The following ZNF721 variants were observed in gnomAD, a reference collection of about 807,000 sequenced individuals.
ZNF721 encodes zinc finger protein 721.
ZNF721 carries 2 observed loss-of-function variants against 2.4 expected under a neutral mutation model. That is an observed-to-expected ratio of 0.82 (90% CI 0.34 to 2.58). The LOEUF is 2.58. Among genes scored for constraint, ZNF721 ranks in the 30% most tolerant of loss-of-function variants. The pLI is 0.11. For missense variants in ZNF721, 1,187 were observed against 1,085.5 expected (o/e 1.09, Z -1.31); for synonymous variants, 398 against 381.8 (o/e 1.04, Z -0.50).
intron 2 of ZNF721, among the ~76,000 whole-genome samples, chr4:459,337 T>A (rs1714944000): frequency 6.6e-6 from 1 of 152,072 alleles, no homozygotes; most frequent in Non-Finnish European, 1.5e-5. Context: ...AATGCCCCAA[T>A]TAAAAGACAC....
chr4:479,019 G>A (rs1054229253), intron 1 of ZNF721, among the ~76,000 whole-genome samples: 1 of 152,000 alleles, frequency 6.6e-6, no homozygotes, highest in African/African-American at 2.4e-5. Context: ...TGCCCACCTC[G>A]GCCTCTCAAA....
At chr4:473,896 C>G in intron 1 of ZNF721, 1 of 1,440,866 alleles carries the variant, frequency 6.9e-7, no homozygotes, top group South Asian at 1.1e-5. Context: ...GGACTCCGTT[C>G]GCAGACTCAG....
At chr4:471,470 GCTT>G (rs1715430381) in intron 2 of ZNF721, among the ~76,000 whole-genome samples, 1 of 152,116 alleles carries the variant, frequency 6.6e-6, no homozygotes, top group Non-Finnish European at 1.5e-5. Flanking sequence ...CAAAGAAACT[GCTT>G]CTTTTTACAT....
At chr4:476,441 C>T (rs1163022566) in intron 1 of ZNF721, among the ~76,000 whole-genome samples, 2 of 152,206 alleles carry the variant, frequency 1.3e-5, no homozygotes, top group Non-Finnish European at 2.9e-5. Flanking sequence ...GAAATGCAGG[C>T]TTATCTCTGC....
chr4:497,759 G>A lies in ZNF721; in HGVS notation c.-94+1297C>T, dbSNP rs555538385. ...AAAAAAAAAAAAAAATTTGACGGGC[G>A]TGGCGGCGGGCGCCTGTAGTCCCAG... On this transcript the variant is annotated intron_variant, in intron 1 of 2. Coordinates refer to ENST00000511833, the MANE Select transcript of ZNF721 (RefSeq NM_133474.4). Among the ~76,000 whole-genome samples, 727 of 151,446 alleles carry A rather than the reference G, an allele frequency of 4.8e-3. 7 individuals carry two copies. Among genetic ancestry groups the A allele is most frequent in the African/African-American group, 0.017 (686 of 41,266 alleles).
intron 1 of ZNF721, among the ~76,000 whole-genome samples, chr4:488,201 C>T (rs1273641510): frequency 1.1e-4 from 17 of 152,188 alleles, no homozygotes; most frequent in South Asian, 2.1e-4. Flanking sequence ...GCTTCCTTCC[C>T]GTTTTTCATT....
At chr4:458,244 AATAG>A (rs1294433552) in intron 2 of ZNF721, among the ~76,000 whole-genome samples, 1 of 152,228 alleles carries the variant, frequency 6.6e-6, no homozygotes, top group South Asian at 2.1e-4. Flanking sequence ...CTTCTCAGAA[AATAG>A]ATAGAATCCA....
intron 2 of ZNF721, among the ~76,000 whole-genome samples, chr4:452,038 T>C (rs1362967274): frequency 6.6e-6 from 1 of 152,230 alleles, no homozygotes; most frequent in Non-Finnish European, 1.5e-5. Context: ...TGTAAGTTAA[T>C]GTGTCAAGAT....
chr4:491,262 C>CA (rs1423484272), intron 1 of ZNF721, among the ~76,000 whole-genome samples: 2 of 151,986 alleles, frequency 1.3e-5, no homozygotes, highest in African/African-American at 4.8e-5. Context: ...CCCGTGTCTA[C>CA]AAAAAATTAG....
chr4:451,635 CT>C (rs1714664073), intron 2 of ZNF721, among the ~76,000 whole-genome samples: 1 of 152,126 alleles, frequency 6.6e-6, no homozygotes, highest in Non-Finnish European at 1.5e-5. Context: ...ATTACATTTG[CT>C]TATTTTATTC....
chr4:450,956 A>ATAT (rs1486352513), intron 2 of ZNF721, among the ~76,000 whole-genome samples: 1 of 63,772 alleles, frequency 1.6e-5, no homozygotes, highest in African/African-American at 7.7e-5. Flanking sequence ...AAAAAAAAAA[A>ATAT]ATATATATAT....
chr4:461,620 C>T (rs1715072736), intron 2 of ZNF721, among the ~76,000 whole-genome samples: 1 of 152,170 alleles, frequency 6.6e-6, no homozygotes, highest in Non-Finnish European at 1.5e-5. Context: ...TGCCTGTAAT[C>T]CCAGCACTTT....
At chr4:486,214 A>G (rs1223580475) in intron 1 of ZNF721, among the ~76,000 whole-genome samples, 1 of 143,940 alleles carries the variant, frequency 6.9e-6, no homozygotes, top group Non-Finnish European at 1.5e-5. Context: ...GGCTGCATGC[A>G]GTGGCGCGAT....
Position 442,126 on chromosome 4 carries a change from A to G in ZNF721, c.2341T>C (p.Tyr781His). 1 of 1,613,732 alleles carries G rather than the reference A, an allele frequency of 6.2e-7. No homozygotes were observed. The highest frequency in any genetic ancestry group is 8.5e-7 in the Non-Finnish European group (1 of 1,179,770). ...HEKIHTGKKPYKCKECGKVIT... is the reference protein window; with the variant it reads ...HEKIHTGKKPHKCKECGKVIT... ...ACTTTGCCACATTCCTTACATTTGT[A>G]GGGTTTCTTTCCAGTATGAATTTTC... is the stretch of plus-strand genomic sequence containing the variant. The change falls in exon 3 of 3, where the codon TAC becomes CAC. Residue 781 changes from tyrosine to histidine, a missense_variant. Physicochemically the swap from Tyr to His is moderately conservative, Grantham distance 83. Coordinates refer to ENST00000511833, the MANE Select transcript of ZNF721 (RefSeq NM_133474.4).
chr4:457,318 G>A lies in ZNF721; in HGVS notation c.35-12886C>T, dbSNP rs550492021. On this transcript the variant is annotated intron_variant, in intron 2 of 2. Coordinates refer to ENST00000511833, the MANE Select transcript of ZNF721 (RefSeq NM_133474.4). ...AGCAGCAGTTATGTCCTGAAAAAAGGAACTTTATGGGAGCTTTGGAATCCA... is the reference window on the plus strand; with the variant it reads ...AGCAGCAGTTATGTCCTGAAAAAAGAAACTTTATGGGAGCTTTGGAATCCA... 4.6e-5 allele frequency among the ~76,000 whole-genome samples: 7 copies of A among 152,264 alleles called. No homozygotes were observed. The East Asian group carries it at 1.2e-3, about 25-fold the overall frequency.
At chr4:472,321 A>G (rs1361457598) in intron 2 of ZNF721, among the ~76,000 whole-genome samples, 1 of 152,180 alleles carries the variant, frequency 6.6e-6, no homozygotes, top group African/African-American at 2.4e-5. Flanking sequence ...CAGCCTCCCA[A>G]AGTGCTGGGA....
intron 1 of ZNF721, among the ~76,000 whole-genome samples, chr4:476,510 T>C (rs1404970020): frequency 1.3e-5 from 2 of 152,210 alleles, no homozygotes; most frequent in African/African-American, 2.4e-5. Flanking sequence ...TAAGTTTCCA[T>C]TGTCCCAGGT....
At chr4:463,047 A>G (rs115916087) in intron 2 of ZNF721, among the ~76,000 whole-genome samples, 2,925 of 152,334 alleles carry the variant, frequency 0.019, 57 homozygotes, top group South Asian at 0.053. Flanking sequence ...AAGAACTTAA[A>G]CAAATTTACA....
chr4:446,092 C>A (rs1714463243), intron 2 of ZNF721, among the ~76,000 whole-genome samples: 11 of 151,174 alleles, frequency 7.3e-5, no homozygotes, highest in Admixed American at 7.2e-4. Flanking sequence ...CCTGTCTTAC[C>A]AAAAAAATGC....
Sources: allele counts gnomAD v4.1 joint callset (sites outside exome capture counted in the v4.1 genomes callset), GRCh38; gene constraint gnomAD v4.1.1; transcripts MANE v1.5; gene names NCBI Gene and HGNC (gene_info 2026-07-23, HGNC 2026-07-21).